CCNYL1: variants seen among roughly 807,000 people sequenced by gnomAD.
The protein encoded by CCNYL1 is cyclin-Y-like protein 1.
CCNYL1 carries 16 observed loss-of-function variants against 44.2 expected under a neutral mutation model. The ratio of observed to expected loss-of-function variants is 0.36; its 90% CI spans 0.25 to 0.55. CCNYL1 has a LOEUF of 0.55. CCNYL1 is among the 20% of genes least tolerant of loss of function. The pLI is 0.85. For synonymous variants in CCNYL1, 159 were observed against 163.2 expected, an observed-to-expected ratio of 0.97 and a Z score of 0.20; for missense variants, 348 against 451.8, an observed-to-expected ratio of 0.77 and a Z score of 2.08.
intron 7 of CCNYL1, among the ~76,000 whole-genome samples, chr2:207,745,080 T>G (rs2091844640): frequency 6.6e-6 from 1 of 150,960 alleles, no homozygotes; most frequent in African/African-American, 2.4e-5. Flanking sequence ...CTCAGGAGAG[T>G]GACAGCAGCA....
intron 9 of CCNYL1, among the ~76,000 whole-genome samples, chr2:207,753,184 T>C (rs1188532681): frequency 6.6e-6 from 1 of 152,204 alleles, no homozygotes; most frequent in East Asian, 1.9e-4. Context: ...GAGTATATAA[T>C]AGCTAATAAG....
intron 1 of CCNYL1, among the ~76,000 whole-genome samples, chr2:207,715,685 T>A (rs2091588645): frequency 1.4e-5 from 2 of 143,076 alleles, no homozygotes; most frequent in South Asian, 4.4e-4. Context: ...TGGCCTTTTT[T>A]TTTTTTTTGA....
chr2:207,727,072 G>A (rs2091685253), intron 3 of CCNYL1, among the ~76,000 whole-genome samples, 196 bp downstream of exon 3: 1 of 151,924 alleles, frequency 6.6e-6, no homozygotes, highest in Admixed American at 6.6e-5. Context: ...AATTGTTAAG[G>A]GTTTCTGACA....
chr2:207,741,264 A>T lies in CCNYL1; in HGVS notation c.519+558A>T, dbSNP rs182005177. On this transcript the variant is annotated intron_variant, in intron 6 of 9. Transcript: ENST00000295414. Reference sequence around the variant, plus strand: ...TGAGACTCCATCTCAAAAAAAAAAAATTTTTCAAAGTGTATTTAAGAGAAT... The same window carrying T: ...TGAGACTCCATCTCAAAAAAAAAAATTTTTTCAAAGTGTATTTAAGAGAAT... Among the ~76,000 whole-genome samples, 368 of 146,094 alleles carry T rather than the reference A, an allele frequency of 2.5e-3. 3 individuals carry two copies. The highest frequency in any genetic ancestry group is 9.0e-3 in the East Asian group (43 of 4,752).
intron 5 of CCNYL1, among the ~76,000 whole-genome samples, chr2:207,738,097 G>A (rs967189529): frequency 6.6e-6 from 1 of 152,148 alleles, no homozygotes; most frequent in Non-Finnish European, 1.5e-5. Flanking sequence ...CCCTGGTAGT[G>A]AGCTGTAATT....
At chr2:207,747,643 G>C (rs1245449249) in intron 8 of CCNYL1, among the ~76,000 whole-genome samples, 1 of 152,174 alleles carries the variant, frequency 6.6e-6, no homozygotes, top group Non-Finnish European at 1.5e-5. Context: ...CCACCTCCCA[G>C]GTTCAAGCGA....
At chr2:207,718,097 G>A (rs1270973969) in intron 1 of CCNYL1, among the ~76,000 whole-genome samples, 1 of 151,706 alleles carries the variant, frequency 6.6e-6, no homozygotes, top group Non-Finnish European at 1.5e-5. Flanking sequence ...ATAGAGATGG[G>A]GTTTCTCCGT....
chr2:207,730,389 C>T lies in CCNYL1; in HGVS notation c.330+3513C>T, dbSNP rs562722558. Among the ~76,000 whole-genome samples the T allele has an allele frequency of 5.9e-5, 9 of 152,310 alleles. No individual in the cohort carries two copies. In the South Asian group the frequency reaches 1.9e-3, roughly 32 times the overall value. On this transcript the variant is annotated intron_variant, in intron 3 of 9. Transcript: ENST00000295414. ...AACTTGATCCTGTTCCAGTCACTCT[C>T]TGTAGGCACTAAAGTTGTGCTTCCA...
chr2:207,730,034 G>A (rs1438364147), intron 3 of CCNYL1, among the ~76,000 whole-genome samples: 2 of 152,100 alleles, frequency 1.3e-5, no homozygotes, highest in African/African-American at 4.8e-5. Flanking sequence ...TTCTGAGACT[G>A]TTCAGTTTCT....
chr2:207,749,186 A>G (rs1356018332), intron 8 of CCNYL1, among the ~76,000 whole-genome samples: 1 of 152,222 alleles, frequency 6.6e-6, no homozygotes, highest in Admixed American at 6.5e-5. Context: ...GTGTATGCCC[A>G]GGGAAGCACC....
intron 7 of CCNYL1, 149 bp from the exon 8 acceptor site, chr2:207,746,898 C>T (rs2091858529): frequency 1.8e-6 from 1 of 570,820 alleles, no homozygotes; most frequent in African/African-American, 1.9e-5. Context: ...ATCACTTGAA[C>T]CTGGGAGGCG....
At chr2:207,722,699 G>A (rs1248146382) in intron 1 of CCNYL1, among the ~76,000 whole-genome samples, 2 of 151,938 alleles carry the variant, frequency 1.3e-5, no homozygotes, top group African/African-American at 2.4e-5. Context: ...GGTGGCTCAC[G>A]CCTGTAATCC....
intron 6 of CCNYL1, among the ~76,000 whole-genome samples, chr2:207,741,775 G>A (rs1384508575): frequency 6.6e-6 from 1 of 151,840 alleles, no homozygotes; most frequent in Non-Finnish European, 1.5e-5. Context: ...GAACCTGGGA[G>A]GTGGAGGTTG....
rs62189212 is a variant in CCNYL1, at chr2:207,750,101, G to A, written c.807-856G>A. ...TGCATTCAGCTCACTCCTACATTCTGTTCTGACCAGGACGGTAGATACTGA... is the reference window on the plus strand; with the variant it reads ...TGCATTCAGCTCACTCCTACATTCTATTCTGACCAGGACGGTAGATACTGA... On this transcript the variant is annotated intron_variant, in intron 8 of 9. Transcript: ENST00000295414. Among the ~76,000 whole-genome samples the A allele has an allele frequency of 9.6e-3, 1,461 of 152,242 alleles. 18 individuals are homozygous for A. Among genetic ancestry groups the A allele is most frequent in the Middle Eastern group, 0.041 (12 of 292 alleles).
intron 8 of CCNYL1, chr2:207,750,717 G>A (rs988024266): frequency 1.2e-5 from 5 of 412,870 alleles, no homozygotes; most frequent in Non-Finnish European, 2.2e-5. Flanking sequence ...CGAGTCAGCA[G>A]CACAAGTGCA....
intron 5 of CCNYL1, among the ~76,000 whole-genome samples, 195 bp downstream of exon 5, chr2:207,737,641 T>G (rs1034385545): frequency 1.3e-5 from 2 of 152,142 alleles, no homozygotes; most frequent in Non-Finnish European, 1.5e-5. Context: ...AGAGTATTTG[T>G]TTATGTTGGT....
rs149558086 is a variant in CCNYL1 at position 207,740,202 on chromosome 2, A to T, written c.468-453A>T. On this transcript the variant is annotated intron_variant, in intron 5 of 9. Coordinates refer to ENST00000295414, the MANE Select transcript of CCNYL1 (RefSeq NM_001330218.2). ...AATAAGGTTTTTAACTCATCAAACT[A>T]CTTAAACAAATACATGTCAAGAATG... is the stretch of plus-strand genomic sequence containing the variant. Among the ~76,000 whole-genome samples the T allele has an allele frequency of 2.1e-4, 32 of 152,348 alleles. No individual in the cohort carries two copies. In the East Asian group the frequency reaches 6.2e-3, roughly 29 times the overall value.
chr2:207,715,613 C>T (rs1302694785), intron 1 of CCNYL1, among the ~76,000 whole-genome samples: 1 of 151,266 alleles, frequency 6.6e-6, no homozygotes, highest in Non-Finnish European at 1.5e-5. Flanking sequence ...CTCCTGACCT[C>T]AAGCGATCCA....
At chr2:207,721,952 C>T (rs2091643497) in intron 1 of CCNYL1, among the ~76,000 whole-genome samples, 1 of 152,102 alleles carries the variant, frequency 6.6e-6, no homozygotes, top group African/African-American at 2.4e-5. Context: ...AATTGATTGG[C>T]CAGCTGTAAG....
Sources: allele counts gnomAD v4.1 joint callset (sites outside exome capture counted in the v4.1 genomes callset), GRCh38; gene constraint gnomAD v4.1.1; transcripts MANE v1.5; gene names NCBI Gene and HGNC (gene_info 2026-07-23, HGNC 2026-07-21).